PDZRN4: variants seen among roughly 807,000 people sequenced by gnomAD.
PDZRN4 encodes the protein PDZ domain containing ring finger 4.
In PDZRN4, 70 loss-of-function variants were observed where a neutral mutation model predicts 99.0. The ratio of observed to expected loss-of-function variants is 0.71; its 90% CI spans 0.58 to 0.86. The LOEUF (loss-of-function observed/expected upper bound fraction) is 0.86, where lower values mean the gene tolerates loss of function less well. Among genes scored for constraint, PDZRN4 ranks in the 40% least tolerant of loss-of-function variants. The pLI is 0.00. For missense variants in PDZRN4, 1,474 were observed against 1,331.2 expected (o/e 1.11, Z -1.67); for synonymous variants, 551 against 501.6 (o/e 1.10, Z -1.32).
At chr12:41,346,101 A>G (rs1469570840) in intron 3 of PDZRN4, among the ~76,000 whole-genome samples, 1 of 152,164 alleles carries the variant, frequency 6.6e-6, no homozygotes, top group African/African-American at 2.4e-5. Context: ...CCCCTTGTCC[A>G]ATGTTTCCTA....
Position 41,572,878 on chromosome 12 carries a change from G to A in PDZRN4, c.2099G>A (p.Trp700Ter). ...QKVTDQYGDI[W>*]TLHDGGFRNY... Reference sequence around the variant, plus strand: ...GTGACAGACCAGTATGGAGACATCTGGACATTGCATGATGGAGGATTCCGG... The same window carrying A: ...GTGACAGACCAGTATGGAGACATCTAGACATTGCATGATGGAGGATTCCGG... The change falls in exon 10 of 10, where the codon TGG (tryptophan) becomes TAG (stop). Residue 700 changes from tryptophan to a stop codon, truncating the protein, a stop_gained. Transcript: ENST00000402685. LOFTEE classifies it high-confidence loss of function. The A allele has an allele frequency of 1.9e-6, 3 of 1,614,086 alleles. No homozygotes were observed. Among genetic ancestry groups the A allele is most frequent in the Non-Finnish European group, 2.5e-6 (3 of 1,180,010 alleles).
chr12:41,240,831 C>A (rs867364655), intron 3 of PDZRN4, among the ~76,000 whole-genome samples: 15 of 152,206 alleles, frequency 9.9e-5, no homozygotes, highest in African/African-American at 3.4e-4. Flanking sequence ...CCCTTATTAC[C>A]TACTCACCTC....
At chr12:41,463,454 T>C (rs1313711793) in intron 3 of PDZRN4, among the ~76,000 whole-genome samples, 1 of 152,104 alleles carries the variant, frequency 6.6e-6, no homozygotes, top group Non-Finnish European at 1.5e-5. Context: ...TATGATCTTC[T>C]TGGAAAAAGA....
At chr12:41,244,893 T>G (rs1951124690) in intron 3 of PDZRN4, among the ~76,000 whole-genome samples, 1 of 140,504 alleles carries the variant, frequency 7.1e-6, no homozygotes, top group Admixed American at 7.4e-5. Context: ...GGTTTCACCT[T>G]GTTAGCCAGG....
At chr12:41,465,979 A>G (rs1364732606) in intron 3 of PDZRN4, among the ~76,000 whole-genome samples, 1 of 152,178 alleles carries the variant, frequency 6.6e-6, no homozygotes, top group Non-Finnish European at 1.5e-5. Context: ...ACTGTCTGAT[A>G]AAATCCTTAA....
intron 3 of PDZRN4, among the ~76,000 whole-genome samples, chr12:41,322,743 G>A (rs189071922): frequency 2.6e-5 from 4 of 151,958 alleles, no homozygotes; most frequent in East Asian, 3.9e-4. Flanking sequence ...TGATCCTCCC[G>A]CCTTGGCCTC....
At chr12:41,361,009 C>T (rs1216271404) in intron 3 of PDZRN4, among the ~76,000 whole-genome samples, 1 of 151,206 alleles carries the variant, frequency 6.6e-6, no homozygotes, top group Non-Finnish European at 1.5e-5. Context: ...TACATACATG[C>T]ATATGCAATA....
chr12:41,310,904 A>G (rs1195225322), intron 3 of PDZRN4, among the ~76,000 whole-genome samples: 2 of 152,162 alleles, frequency 1.3e-5, no homozygotes, highest in African/African-American at 4.8e-5. Flanking sequence ...ATTAAGGGAA[A>G]TACACAGATC....
intron 3 of PDZRN4, among the ~76,000 whole-genome samples, chr12:41,282,144 T>C (rs552151272): frequency 1.3e-5 from 2 of 152,188 alleles, no homozygotes; most frequent in Non-Finnish European, 1.5e-5. Context: ...TGTGCAACGA[T>C]ACACATAGGC....
intron 3 of PDZRN4, among the ~76,000 whole-genome samples, chr12:41,352,295 A>C (rs1417407168): frequency 6.6e-6 from 1 of 152,146 alleles, no homozygotes; most frequent in African/African-American, 2.4e-5. Context: ...GTCATCTTGC[A>C]AAGGACAGAC....
intron 3 of PDZRN4, among the ~76,000 whole-genome samples, chr12:41,208,598 T>A (rs576493371): frequency 3.2e-4 from 48 of 152,090 alleles, no homozygotes; most frequent in Non-Finnish European, 5.3e-4. Flanking sequence ...TATATCCAGA[T>A]TAATTCCTTA....
At chr12:41,273,050 G>A (rs142252395) in intron 3 of PDZRN4, among the ~76,000 whole-genome samples, 2 of 152,130 alleles carry the variant, frequency 1.3e-5, no homozygotes, top group African/African-American at 4.8e-5. Context: ...GCTTAAGCTT[G>A]TCTGGGCTTC....
intron 6 of PDZRN4, among the ~76,000 whole-genome samples, chr12:41,553,314 C>A (rs999565691): frequency 6.6e-6 from 1 of 152,220 alleles, no homozygotes; most frequent in East Asian, 1.9e-4. Context: ...ATGCGAGATA[C>A]TGTTAGTGTT....
At chr12:41,527,221 A>G (rs1427053269) in intron 5 of PDZRN4, among the ~76,000 whole-genome samples, 1 of 152,224 alleles carries the variant, frequency 6.6e-6, no homozygotes, top group African/African-American at 2.4e-5. Context: ...GGCACTGACA[A>G]GCACAGGAGG....
At chr12:41,425,022 A>G (rs1430409749) in intron 3 of PDZRN4, among the ~76,000 whole-genome samples, 1 of 152,168 alleles carries the variant, frequency 6.6e-6, no homozygotes, top group African/African-American at 2.4e-5. Flanking sequence ...CTCTGACACA[A>G]TTAGGAAGAT....
At chr12:41,447,631 A>T (rs1174388460) in intron 3 of PDZRN4, among the ~76,000 whole-genome samples, 2 of 152,166 alleles carry the variant, frequency 1.3e-5, no homozygotes, top group Non-Finnish European at 2.9e-5. Context: ...GTATCATTTC[A>T]GTCTAACAAT....
intron 3 of PDZRN4, among the ~76,000 whole-genome samples, chr12:41,205,690 AT>A (rs760703609): frequency 6.6e-6 from 1 of 151,868 alleles, no homozygotes; most frequent in Non-Finnish European, 1.5e-5. Flanking sequence ...ATGCTCTTTC[AT>A]ATTGCCTTCT....
At chr12:41,433,404 G>A (rs1952601487) in intron 3 of PDZRN4, among the ~76,000 whole-genome samples, 1 of 152,140 alleles carries the variant, frequency 6.6e-6, no homozygotes, top group African/African-American at 2.4e-5. Context: ...CTGGGCCTCA[G>A]GTTCTTTGTC....
intron 3 of PDZRN4, among the ~76,000 whole-genome samples, chr12:41,354,946 G>A (rs1390960674): frequency 1.3e-5 from 2 of 152,046 alleles, no homozygotes; most frequent in South Asian, 2.1e-4. Context: ...TTACTGTAAT[G>A]CAGTGGAATT....
Sources: allele counts gnomAD v4.1 joint callset (sites outside exome capture counted in the v4.1 genomes callset), GRCh38; gene constraint gnomAD v4.1.1; transcripts MANE v1.5; gene names NCBI Gene and HGNC (gene_info 2026-07-23, HGNC 2026-07-21).